MKS1: variants seen among roughly 807,000 people sequenced by gnomAD.
The protein encoded by MKS1 is MKS transition zone complex subunit 1.
Under a neutral mutation model 83.7 loss-of-function variants are expected in MKS1, and 70 were observed. The ratio of observed to expected loss-of-function variants is 0.84; its 90% confidence interval spans 0.69 to 1.02. The LOEUF (loss-of-function observed/expected upper bound fraction) is 1.02, where lower values mean the gene tolerates loss of function less well. MKS1 is among the 50% of genes least tolerant of loss of function. The pLI is 0.00. For missense variants in MKS1, 681 were observed against 726.9 expected, an observed-to-expected ratio of 0.94 and a Z score of 0.73; for synonymous variants, 251 against 273.4, an observed-to-expected ratio of 0.92 and a Z score of 0.81.
chr17:58,217,710 C>T (rs1969301163), intron 2 of MKS1, among the ~76,000 whole-genome samples: 2 of 152,118 alleles, frequency 1.3e-5, no homozygotes, highest in South Asian at 4.1e-4. Context: ...GAGGCTGAGG[C>T]AGGAGGATGG....
chr17:58,214,692 TA>T, intron 5 of MKS1, 48 bp downstream of exon 5: 1 of 1,561,188 alleles, frequency 6.4e-7, no homozygotes. Flanking sequence ...TACCCAACTT[TA>T]GGAAATAAAA....
At position 58,206,606 on chromosome 17, in the gene MKS1, A is replaced by AT. The variant is rs1445714318; in HGVS notation, c.1408-60dup. The AT allele has an allele frequency of 4.0e-6, 6 of 1,494,616 alleles. No individual in the cohort carries two copies. In the Admixed American group the frequency reaches 8.4e-5, roughly 21 times the overall value. The allele number at this position is 1,494,616 out of a possible 1,614,324, so 92.6% of individuals were successfully genotyped here. A position where few individuals can be genotyped will look rare whatever the true frequency, so the allele number is the denominator to read the frequency against. ...TGCTCTCTCTAGACACCCCCGCACC[A>AT]TGCTGGCCTCACCCCCATTCTTATT... On this transcript the variant is annotated intron_variant, in intron 15 of 17. Coordinates refer to ENST00000393119, the MANE Select transcript of MKS1 (RefSeq NM_017777.4).
At chr17:58,216,014 A>G in intron 4 of MKS1, 74 bp downstream of exon 4, 1 of 1,546,294 alleles carries the variant, frequency 6.5e-7, no homozygotes, top group Non-Finnish European at 8.9e-7. Flanking sequence ...CTGACATAAC[A>G]CACAGAACTC....
intron 8 of MKS1, among the ~76,000 whole-genome samples, 193 bp from the exon 9 acceptor site, chr17:58,212,627 C>T (rs1489945587): frequency 1.3e-5 from 2 of 152,204 alleles, no homozygotes; most frequent in Non-Finnish European, 2.9e-5. Flanking sequence ...TCCTGACTCT[C>T]GCCCTTACAA....
Position 58,208,003 on chromosome 17 carries a change from T to G in MKS1, c.1166-2A>C, listed in dbSNP as rs1488635637. On this transcript the variant is annotated splice_acceptor_variant, in intron 13 of 17. Coordinates refer to ENST00000393119, the MANE Select transcript of MKS1 (RefSeq NM_017777.4). LOFTEE classifies it high-confidence loss of function. ...GCACAGGCCACTCCGGGAGTGCATC[T>G]GGGAGCAAGGAGAGAAGCGGCCAGG... 6.2e-7 allele frequency: 1 copy of G among 1,613,518 alleles called. No homozygotes were observed. The highest frequency in any genetic ancestry group is 1.3e-5 in the African/African-American group (1 of 74,836).
chr17:58,207,234 G>A lies in MKS1; in HGVS notation c.1274-16C>T, dbSNP rs754486075. The A allele has an allele frequency of 1.9e-6, 3 of 1,613,554 alleles. No individual in the cohort carries two copies. The highest frequency in any genetic ancestry group is 2.7e-5 in the African/African-American group (2 of 75,014). ...GTGTGTGAGCCTGCGCAAGGGAAGA[G>A]AAGACTGGGGCCAGGTCCAGAAAGG... is the stretch of plus-strand genomic sequence containing the variant. On this transcript the variant is annotated splice_polypyrimidine_tract_variant and intron_variant, in intron 14 of 17. Transcript: ENST00000393119.
chr17:58,206,596 C>T (rs200222851), intron 15 of MKS1, 49 bp from the exon 16 acceptor site: 3 of 1,542,006 alleles, frequency 1.9e-6, no homozygotes, highest in African/African-American at 1.4e-5. Context: ...TCTCTAGACA[C>T]CCCCGCACCA....
At position 58,210,704 on chromosome 17, in the gene MKS1, A is replaced by C; in HGVS notation, c.979T>G (p.Tyr327Asp). The C allele has an allele frequency of 6.2e-7, 1 of 1,614,150 alleles. No homozygotes were observed. The highest frequency in any genetic ancestry group is 8.5e-7 in the Non-Finnish European group (1 of 1,179,988). The part of the protein sequence containing the change: ...GEVVSAQGYE[Y>D]DNLYVHFFVE... The stretch of plus-strand genomic sequence containing the variant: ...AAGAAGTGGACGTAGAGATTGTCAT[A>C]CTCATAGCCTTGGGCTGAAACTACG... The change falls in exon 11 of 18, where the codon TAT (tyrosine) becomes GAT (aspartate). Residue 327 changes from tyrosine to aspartate, a missense_variant. This residue lies in a region of MKS1 where 310 missense variants were observed against 321.7 expected (regional missense o/e 0.96). Coordinates refer to ENST00000393119, the MANE Select transcript of MKS1 (RefSeq NM_017777.4).
intron 11 of MKS1, among the ~76,000 whole-genome samples, chr17:58,208,940 T>C (rs1305324437): frequency 1.3e-5 from 2 of 152,184 alleles, no homozygotes; most frequent in East Asian, 1.9e-4. Context: ...CATTTAACCT[T>C]GAGTTGACAC....
At chr17:58,212,660 AC>A (rs1182879808) in intron 8 of MKS1, among the ~76,000 whole-genome samples, 1 of 152,198 alleles carries the variant, frequency 6.6e-6, no homozygotes, top group Non-Finnish European at 1.5e-5. Flanking sequence ...TGGGCAGACT[AC>A]TTAGCTCCTC....
chr17:58,212,552 G>A, intron 8 of MKS1, 118 bp from the exon 9 acceptor site: 3 of 1,093,354 alleles, frequency 2.7e-6, no homozygotes, highest in Non-Finnish European at 4.2e-6. Flanking sequence ...GGAGGCGTAA[G>A]CACCTGACTC....
chr17:58,207,155 C>T lies in MKS1; in HGVS notation c.1337G>A (p.Arg446Lys). 1 of 1,614,186 alleles carries T rather than the reference C, an allele frequency of 6.2e-7. No individual in the cohort carries two copies. Residue 446 changes from arginine (R) to lysine (K), a missense_variant, in exon 15 of 18, where the codon AGG becomes AAG. Arg to Lys is a conservative substitution (Grantham distance 26). Coordinates refer to ENST00000393119, the MANE Select transcript of MKS1 (RefSeq NM_017777.4). ...CAGAGAACCGCCAATGAAAAACCTC[C>T]TCAGCTCAGCCACCGTGCCAAGCTC... is the stretch of plus-strand genomic sequence containing the variant. ...PVELGTVAEL[R>K]RFFIGGSLEL...
chr17:58,216,626 C>T, intron 3 of MKS1, 40 bp downstream of exon 3: 1 of 1,601,112 alleles, frequency 6.2e-7, no homozygotes, highest in Non-Finnish European at 8.6e-7. Flanking sequence ...GGAGGTAGAC[C>T]AGATGGAATA....
chr17:58,206,560 A>G lies in MKS1; in HGVS notation c.1408-13T>C, dbSNP rs2143738734. The G allele has an allele frequency of 3.1e-6, 5 of 1,606,660 alleles. No homozygotes were observed. The highest frequency in any genetic ancestry group is 4.2e-6 in the Non-Finnish European group (5 of 1,176,868). On this transcript the variant is annotated splice_polypyrimidine_tract_variant and intron_variant, in intron 15 of 17. Coordinates refer to ENST00000393119, the MANE Select transcript of MKS1 (RefSeq NM_017777.4). ...TCAGGCGTTCCCCCTGTGGCATGCCATTGGGACAGCCTCAGGTTTCTGCTC... is the reference window on the plus strand; with the variant it reads ...TCAGGCGTTCCCCCTGTGGCATGCCGTTGGGACAGCCTCAGGTTTCTGCTC...
At position 58,214,758 on chromosome 17, in the gene MKS1, C is replaced by A. The variant is rs778956664; in HGVS notation, c.498G>T (p.Arg166=). 4.9e-5 allele frequency: 78 copies of A among 1,606,500 alleles called. No individual in the cohort carries two copies. In the East Asian group the frequency reaches 1.7e-3, roughly 36 times the overall value. Residue 166 remains arginine (R), a synonymous_variant, in exon 5 of 18, where the codon CGG becomes CGT. Transcript: ENST00000393119. ...VERMANVRRR[R]QDRRGMEGGI... ...GCACTCACATCCCTCGCCTGTCCTG[C>A]CGGCGACGCCTGACATTTGCCATTC...
chr17:58,219,042 G>T, intron 1 of MKS1, 109 bp downstream of exon 1: 1 of 1,438,880 alleles, frequency 6.9e-7, no homozygotes. Flanking sequence ...GCCCGGAGAA[G>T]TGGTCGGGAT....
Position 58,206,091 on chromosome 17 carries a change from G to A in MKS1, c.1668C>T (p.Thr556=), listed in dbSNP as rs553314050. ...GGGCTGCTGTGAGCTAGGAGACCAG[G>A]GTTCCAGAGGGGCTCACTAGGTCCT... ...LPQDLVSPSG[T]LVS The change falls in exon 18 of 18, where the codon ACC becomes ACT. Residue 556 remains threonine (T), a synonymous_variant. Transcript: ENST00000393119. 5.0e-6 allele frequency: 8 copies of A among 1,611,956 alleles called. No individual in the cohort carries two copies. In the East Asian group the frequency reaches 1.3e-4, roughly 27 times the overall value.
In MKS1 at chr17:58,205,753, C is replaced by T. The variant is rs1377943409; in HGVS notation, c.*326G>A. On this transcript the variant is annotated 3_prime_UTR_variant, in exon 18 of 18. Transcript: ENST00000393119. ...CAGCAGATCCCCTGCTACTGTGAGACAAGCCAGAAAAGTGAGTCAAGGCCA... is the reference window on the plus strand; with the variant it reads ...CAGCAGATCCCCTGCTACTGTGAGATAAGCCAGAAAAGTGAGTCAAGGCCA... 6 of 1,393,250 alleles carry T rather than the reference C, an allele frequency of 4.3e-6. No individual in the cohort carries two copies. The highest frequency in any genetic ancestry group is 5.7e-6 in the Non-Finnish European group (6 of 1,047,692). The allele number at this position is 1,393,250 out of a possible 1,614,324, so 86.3% of individuals were successfully genotyped here.
At chr17:58,206,979 T>C in intron 15 of MKS1, 106 bp downstream of exon 15, 1 of 1,502,042 alleles carries the variant, frequency 6.7e-7, no homozygotes, top group South Asian at 1.1e-5. Flanking sequence ...AAGGGGTTAA[T>C]ACTGAAGCAA....
Sources: allele counts gnomAD v4.1 joint callset (sites outside exome capture counted in the v4.1 genomes callset), GRCh38; gene constraint gnomAD v4.1.1; regional missense constraint gnomAD v4.1.1; transcripts MANE v1.5; gene names NCBI Gene and HGNC (gene_info 2026-07-23, HGNC 2026-07-21).